ANK2: variants seen among roughly 807,000 people sequenced by gnomAD.
ANK2 encodes the protein ankyrin 2, also known as ankyrin-2.
Under a neutral mutation model 360.5 loss-of-function variants are expected in ANK2, and 83 were observed. The ratio of observed to expected loss-of-function variants is 0.23; its 90% confidence interval spans 0.19 to 0.28. The LOEUF is 0.28. Ranked by LOEUF, ANK2 falls within the 10% of genes least tolerant of loss-of-function variation. The pLI is 1.00. For missense variants in ANK2, 4,201 were observed against 4,795.7 expected (o/e 0.88, Z 3.66); for synonymous variants, 1,740 against 1,759.5 (o/e 0.99, Z 0.28).
intron 5 of ANK2, among the ~76,000 whole-genome samples, chr4:113,233,850 T>C (rs1392321663): frequency 6.6e-6 from 1 of 152,212 alleles, no homozygotes; most frequent in Non-Finnish European, 1.5e-5. Flanking sequence ...TTTATACTCT[T>C]GTCACTTGGA....
At position 113,123,701 on chromosome 4, in the gene ANK2, G is replaced by A. The variant is rs902897416; in HGVS notation, c.85-50715G>A. On this transcript the variant is annotated intron_variant, in intron 1 of 45. Coordinates refer to ENST00000357077, the MANE Select transcript of ANK2 (RefSeq NM_001148.6). ...CATAATAAGTCAGAATCCTGGGGTAGACTGGAAGGGAAAAGAGACCATAAT... is the reference window on the plus strand; with the variant it reads ...CATAATAAGTCAGAATCCTGGGGTAAACTGGAAGGGAAAAGAGACCATAAT... Among the ~76,000 whole-genome samples, 5 of 152,222 alleles carry A rather than the reference G, an allele frequency of 3.3e-5. No homozygotes were observed. In the East Asian group the frequency reaches 9.7e-4, roughly 29 times the overall value.
At chr4:112,920,482 T>A (rs914105016) in intron 2 of ANK2, among the ~76,000 whole-genome samples, 1 of 152,198 alleles carries the variant, frequency 6.6e-6, no homozygotes, top group Admixed American at 6.5e-5. Flanking sequence ...ATGTAGAATA[T>A]AACACTAAAG....
chr4:112,899,494 G>A (rs1042365551), intron 1 of ANK2, among the ~76,000 whole-genome samples: 5 of 152,076 alleles, frequency 3.3e-5, no homozygotes, highest in Non-Finnish European at 7.4e-5. Flanking sequence ...TAGCATTGAT[G>A]AGAGGATTCT....
chr4:113,164,168 G>A (rs2097667932), intron 1 of ANK2, among the ~76,000 whole-genome samples: 1 of 152,216 alleles, frequency 6.6e-6, no homozygotes, highest in Non-Finnish European at 1.5e-5. Context: ...GGGAGGCCAA[G>A]GCGGGAGATA....
chr4:113,103,299 T>C (rs910474340), intron 1 of ANK2, among the ~76,000 whole-genome samples: 1 of 152,040 alleles, frequency 6.6e-6, no homozygotes. Context: ...CTTTCACTAA[T>C]TTTTTTTAAA....
intron 9 of ANK2, among the ~76,000 whole-genome samples, chr4:113,247,172 A>AC (rs1269305421): frequency 6.6e-6 from 1 of 151,988 alleles, no homozygotes; most frequent in East Asian, 1.9e-4. Context: ...AAAAAAAAAA[A>AC]AACAACAACA....
At chr4:113,195,754 A>G (rs928700100) in intron 2 of ANK2, among the ~76,000 whole-genome samples, 7 of 152,182 alleles carry the variant, frequency 4.6e-5, no homozygotes, top group Non-Finnish European at 1.0e-4. Flanking sequence ...TCTATTTTTC[A>G]GGTTGAATTA....
At chr4:113,036,890 A>G (rs2061725440) in intron 2 of ANK2, among the ~76,000 whole-genome samples, 1 of 151,870 alleles carries the variant, frequency 6.6e-6, no homozygotes, top group Non-Finnish European at 1.5e-5. Flanking sequence ...GTACACACAT[A>G]CTTATTGCCC....
In ANK2 at chr4:113,241,998, G is replaced by A. The variant is rs1339508192; in HGVS notation, c.793-113G>A. ...CAAAGACATAGAAAGAGTAGAAACTGTGGATCAAATTACCACGTAGGTCAC... is the reference window on the plus strand; with the variant it reads ...CAAAGACATAGAAAGAGTAGAAACTATGGATCAAATTACCACGTAGGTCAC... On this transcript the variant is annotated intron_variant, in intron 8 of 45. Coordinates refer to ENST00000357077, the MANE Select transcript of ANK2 (RefSeq NM_001148.6). The A allele has an allele frequency of 6.2e-6, 5 of 804,536 alleles. No individual in the cohort carries two copies. In the East Asian group the frequency reaches 1.0e-4, roughly 16 times the overall value. The allele number at this position is 804,536 out of a possible 1,614,324, so 49.8% of individuals were successfully genotyped here. A position where few individuals can be genotyped will look rare whatever the true frequency, so the allele number is the denominator to read the frequency against.
In ANK2 at chr4:113,348,281, A is replaced by G. The variant is rs1220752749; in HGVS notation, c.4377A>G (p.Ser1459=). ...NITLPIYTKE[S]ESDQEQEEEI... ...TGGCATCTTGGGGCGGAAAGGAATC[A>G]GAGTCAGATCAAGAACAGGAGGAAG... The change falls in exon 36 of 46, where the codon TCA becomes TCG. Residue 1459 remains serine (S), a synonymous_variant. Transcript: ENST00000357077. The G allele has an allele frequency of 1.2e-6, 2 of 1,613,424 alleles. No homozygotes were observed. Among genetic ancestry groups the G allele is most frequent in the Admixed American group, 1.7e-5 (1 of 59,950 alleles).
At chr4:112,997,275 A>G (rs975394066) in intron 2 of ANK2, among the ~76,000 whole-genome samples, 24 of 152,108 alleles carry the variant, frequency 1.6e-4, no homozygotes, top group African/African-American at 5.8e-4. Flanking sequence ...CTTAAAACCT[A>G]TTCTCTTTAG....
At chr4:113,092,843 CTTA>C (rs1426857211) in intron 1 of ANK2, among the ~76,000 whole-genome samples, 2 of 152,028 alleles carry the variant, frequency 1.3e-5, no homozygotes, top group African/African-American at 4.8e-5. Flanking sequence ...GCTATATAAT[CTTA>C]TTGATTACAT....
chr4:113,304,577 C>T (rs1477285712), intron 23 of ANK2, among the ~76,000 whole-genome samples: 1 of 152,172 alleles, frequency 6.6e-6, no homozygotes, highest in East Asian at 1.9e-4. Flanking sequence ...CAACTATTAT[C>T]TTTTCTTAGA....
chr4:113,326,632 C>T (rs2090100447), intron 26 of ANK2, among the ~76,000 whole-genome samples: 1 of 152,132 alleles, frequency 6.6e-6, no homozygotes, highest in African/African-American at 2.4e-5. Context: ...TTCCTCACTA[C>T]AACTTGGTGG....
the ANK2 span, among the ~76,000 whole-genome samples, chr4:112,713,166 C>T: frequency 6.6e-6 from 1 of 152,076 alleles, no homozygotes; most frequent in Non-Finnish European, 1.5e-5. Context: ...TAAACAGGTC[C>T]CTCTAAGTGT....
chr4:113,051,393 A>G (rs1364040241), intron 1 of ANK2, among the ~76,000 whole-genome samples: 2 of 152,192 alleles, frequency 1.3e-5, no homozygotes, highest in Non-Finnish European at 2.9e-5. Context: ...CACATGACCA[A>G]AGCCATTTTA....
rs528172181 is a variant in ANK2, at chr4:113,189,320, A to T, written c.187-7048A>T. 2.6e-5 allele frequency among the ~76,000 whole-genome samples: 4 copies of T among 152,350 alleles called. No homozygotes were observed. In the East Asian group the frequency reaches 5.8e-4, roughly 22 times the overall value. ...CCTCCTCTCTCTTCCCACAGAGTCC[A>T]GCATGCCAAATTTGGCTTATTTTTA... On this transcript the variant is annotated intron_variant, in intron 2 of 45. Transcript: ENST00000357077.
chr4:112,911,226 G>C (rs375866709), intron 2 of ANK2, among the ~76,000 whole-genome samples: 156 of 128,742 alleles, frequency 1.2e-3, no homozygotes, highest in African/African-American at 4.6e-3. Flanking sequence ...GGTATATCTC[G>C]GCTGGGCGCA....
At chr4:113,256,010 A>G (rs1386684463) in intron 11 of ANK2, 78 bp downstream of exon 11, 2 of 1,488,136 alleles carry the variant, frequency 1.3e-6, no homozygotes. Context: ...ACATGCATAC[A>G]CCAGCAATGC....
Sources: allele counts gnomAD v4.1 joint callset (sites outside exome capture counted in the v4.1 genomes callset), GRCh38; gene constraint gnomAD v4.1.1; transcripts MANE v1.5; gene names NCBI Gene and HGNC (gene_info 2026-07-23, HGNC 2026-07-21).